The following HIPK3 variants were observed in gnomAD, a reference collection of about 807,000 sequenced individuals.
HIPK3 encodes the protein homeodomain interacting protein kinase 3.
HIPK3 carries 47 observed loss-of-function variants against 124.2 expected under a neutral mutation model. That is an observed-to-expected ratio of 0.38 (90% CI 0.30 to 0.48). HIPK3 has a LOEUF of 0.48. Ranked by LOEUF, HIPK3 falls within the 20% of genes least tolerant of loss-of-function variation. The pLI, the probability that HIPK3 is intolerant of heterozygous loss-of-function variation, is 0.98. For missense variants in HIPK3, 1,286 were observed against 1,454.3 expected (o/e 0.88, Z 1.88); for synonymous variants, 482 against 515.2 (o/e 0.94, Z 0.87).
intron 2 of HIPK3, among the ~76,000 whole-genome samples, chr11:33,297,596 T>C (rs1372351628): frequency 6.6e-6 from 1 of 152,086 alleles, no homozygotes; most frequent in Non-Finnish European, 1.5e-5. Context: ...AACATAAAAG[T>C]GCAAGGTGAA....
intron 2 of HIPK3, among the ~76,000 whole-genome samples, chr11:33,306,737 A>T (rs1852171621): frequency 6.6e-6 from 1 of 152,190 alleles, no homozygotes; most frequent in Non-Finnish European, 1.5e-5. Context: ...CAGTCTTAGG[A>T]CATTGTGTAC....
intron 2 of HIPK3, among the ~76,000 whole-genome samples, chr11:33,292,875 A>G (rs963800888): frequency 2.0e-5 from 3 of 152,110 alleles, no homozygotes; most frequent in African/African-American, 4.8e-5. Flanking sequence ...AACTGGGACT[A>G]CAGGCGCCCG....
At chr11:33,292,829 G>A (rs376827327) in intron 2 of HIPK3, among the ~76,000 whole-genome samples, 3 of 152,080 alleles carry the variant, frequency 2.0e-5, no homozygotes, top group Non-Finnish European at 2.9e-5. Context: ...TCCGCGTCCC[G>A]GGTTCACGCC....
At position 33,348,683 on chromosome 11, in the gene HIPK3, A is replaced by C. The variant is rs753780390; in HGVS notation, c.2531A>C (p.Asp844Ala). 1.2e-6 allele frequency: 2 copies of C among 1,614,084 alleles called. No homozygotes were observed. The highest frequency in any genetic ancestry group is 1.7e-6 in the Non-Finnish European group (2 of 1,179,984). Residue 844 changes from aspartate to alanine, a missense_variant, in exon 13 of 17, where the codon GAC becomes GCC. Around this residue, in one of 3 missense-constraint regions of HIPK3, gnomAD observed 810 missense variants for 864.9 expected, o/e 0.94. Coordinates refer to ENST00000303296, the MANE Select transcript of HIPK3 (RefSeq NM_005734.5). ...TGCTGTGAAACATCTATCAGACAGGACTCTGATTCATCAGTTTCAGACAAA... is the reference window on the plus strand; with the variant it reads ...TGCTGTGAAACATCTATCAGACAGGCCTCTGATTCATCAGTTTCAGACAAA... ...RNCCETSIRQ[D>A]SDSSVSDKQR...
In HIPK3 at chr11:33,339,445, T is replaced by G. The variant is rs748108573; in HGVS notation, c.1524T>G (p.Ile508Met). The stretch of plus-strand genomic sequence containing the variant: ...GTCTGTTGAAGAAAATGTTGCTGAT[T>G]GATGCAGATTTAAGAATTACTCCAG... ...FVSLLKKMLLIDADLRITPAE... is the reference protein window; with the variant it reads ...FVSLLKKMLLMDADLRITPAE... Residue 508 changes from isoleucine to methionine, a missense_variant, in exon 6 of 17, where the codon ATT (isoleucine) becomes ATG (methionine). Ile to Met is a conservative substitution (Grantham distance 10). Transcript: ENST00000303296. 2.5e-6 allele frequency: 4 copies of G among 1,613,280 alleles called. No individual in the cohort carries two copies. Among genetic ancestry groups the G allele is most frequent in the East Asian group, 2.2e-5 (1 of 44,848 alleles).
intron 2 of HIPK3, among the ~76,000 whole-genome samples, chr11:33,316,127 ACATT>A (rs1211318372): frequency 3.1e-4 from 47 of 152,348 alleles, no homozygotes; most frequent in Admixed American, 2.9e-3. Flanking sequence ...TATATCGAAA[ACATT>A]CATAACAAAA....
At chr11:33,273,013 A>T (rs832794) in intron 1 of HIPK3, among the ~76,000 whole-genome samples, 2,021 of 149,460 alleles carry the variant, frequency 0.014, 51 homozygotes, top group African/African-American at 0.047. Flanking sequence ...TTTTTTTTTT[A>T]AATAGAGATG....
chr11:33,330,835 C>G (rs1430190037), intron 3 of HIPK3, among the ~76,000 whole-genome samples: 1 of 139,478 alleles, frequency 7.2e-6, no homozygotes, highest in African/African-American at 2.6e-5. Context: ...CTTTCAAGTG[C>G]TTTTTTTTTT....
Position 33,354,207 on chromosome 11 carries a change from T to A in HIPK3, c.*639T>A, listed in dbSNP as rs183081083. The A allele has an allele frequency of 4.0e-3, 611 of 152,816 alleles. 1 individual carries two copies. The highest frequency in any genetic ancestry group is 6.7e-3 in the Non-Finnish European group (453 of 68,050). The allele number at this position is 152,816 out of a possible 1,614,324, so 9.5% of individuals were successfully genotyped here. ...TAAAATTCAGACCTACTATTTAGTT[T>A]CCTTTTGATAGCGTAATGTTCATTT... On this transcript the variant is annotated 3_prime_UTR_variant, in exon 17 of 17. Coordinates refer to ENST00000303296, the MANE Select transcript of HIPK3 (RefSeq NM_005734.5).
intron 11 of HIPK3, 52 bp from the exon 12 acceptor site, chr11:33,348,114 C>G: frequency 6.2e-7 from 1 of 1,607,306 alleles, no homozygotes; most frequent in Non-Finnish European, 8.5e-7. Flanking sequence ...AAAATGACCT[C>G]TTTTATAGCT....
chr11:33,326,044 TA>T (rs5790923), intron 2 of HIPK3, among the ~76,000 whole-genome samples: 32,274 of 152,152 alleles, frequency 0.21, 4,094 homozygotes, highest in East Asian at 0.36. Flanking sequence ...TCTTAAGTAT[TA>T]TTTACAGCAG....
At chr11:33,292,049 C>T (rs76121912) in intron 2 of HIPK3, among the ~76,000 whole-genome samples, 3 of 152,174 alleles carry the variant, frequency 2.0e-5, no homozygotes, top group East Asian at 1.9e-4. Flanking sequence ...TAGGAAGACC[C>T]GTAAAATAAC....
At position 33,337,182 on chromosome 11, in the gene HIPK3, T is replaced by C; in HGVS notation, c.1329T>C (p.Gly443=). The C allele has an allele frequency of 1.3e-6, 2 of 1,542,730 alleles. No individual in the cohort carries two copies. Among genetic ancestry groups the C allele is most frequent in the Non-Finnish European group, 1.8e-6 (2 of 1,122,750 alleles). ...FCKETDMSHS[G]WRLKTLEEHE... ...AAGAAACAGATATGTCTCATTCTGG[T>C]TGGAGATTAAAGGTAATTCATTAAA... The change falls in exon 4 of 17, where the codon GGT becomes GGC. Residue 443 remains glycine (G), a synonymous_variant. Transcript: ENST00000303296.
intron 2 of HIPK3, among the ~76,000 whole-genome samples, chr11:33,288,782 A>G (rs976869246): frequency 2.0e-5 from 3 of 152,228 alleles, no homozygotes; most frequent in Non-Finnish European, 4.4e-5. Context: ...AATTATTTTC[A>G]TATAAGCCTG....
chr11:33,327,485 C>T (rs1852844692), intron 2 of HIPK3, among the ~76,000 whole-genome samples: 1 of 152,002 alleles, frequency 6.6e-6, no homozygotes, highest in South Asian at 2.1e-4. Flanking sequence ...GAGTTGGATC[C>T]TTTTGCCAAA....
At chr11:33,339,288 G>T in intron 5 of HIPK3, 62 bp from the exon 6 acceptor site, 1 of 1,264,162 alleles carries the variant, frequency 7.9e-7, no homozygotes, top group Non-Finnish European at 1.1e-6. Flanking sequence ...TTTAACGGTG[G>T]AATTTATACT....
At chr11:33,326,167 T>A (rs1852804938) in intron 2 of HIPK3, among the ~76,000 whole-genome samples, 1 of 152,188 alleles carries the variant, frequency 6.6e-6, no homozygotes, top group Admixed American at 6.6e-5. Context: ...AGGGAAGAAA[T>A]GGGGTGGTCC....
intron 5 of HIPK3, among the ~76,000 whole-genome samples, chr11:33,339,087 C>G (rs1853250202): frequency 6.6e-6 from 1 of 152,126 alleles, no homozygotes; most frequent in Non-Finnish European, 1.5e-5. Flanking sequence ...AGGAAAAATC[C>G]TAGCCAACAG....
intron 12 of HIPK3, 53 bp downstream of exon 12, chr11:33,348,281 A>G: frequency 6.7e-7 from 1 of 1,493,716 alleles, no homozygotes; most frequent in Non-Finnish European, 9.3e-7. Context: ...TAATGTAGCA[A>G]TTGTGGACAT....
Sources: gnomAD v4.1 joint callset for allele counts (sites outside exome capture counted in the v4.1 genomes callset) on GRCh38, gnomAD v4.1.1 for gene constraint, gnomAD v4.1.1 regional missense constraint, MANE v1.5 for transcripts, NCBI Gene and HGNC (gene_info 2026-07-23, HGNC 2026-07-21) for gene names.